GRK7: variants seen among roughly 807,000 people sequenced by gnomAD.
GRK7 encodes the protein rhodopsin kinase GRK7.
A neutral mutation model predicts 34.1 loss-of-function variants in GRK7; 24 were observed. The observed-to-expected ratio is 0.70, with a 90% CI of 0.51 to 0.99. The LOEUF is 0.99. Among genes scored for constraint, GRK7 ranks in the 50% least tolerant of loss-of-function variants. The probability of loss-of-function intolerance (pLI) is 0.00; values close to 1 mark genes in which losing one functional copy is unlikely to be tolerated. For synonymous variants in GRK7, 256 were observed against 279.4 expected, an observed-to-expected ratio of 0.92 and a Z score of 0.84; for missense variants, 644 against 707.3, an observed-to-expected ratio of 0.91 and a Z score of 1.02.
chr3:141,771,273 G>T (rs970784258), intron 1 of GRK7, among the ~76,000 whole-genome samples: 1 of 152,126 alleles, frequency 6.6e-6, no homozygotes, highest in African/African-American at 2.4e-5. Context: ...CCATAAAAAA[G>T]AATGGAATCA....
chr3:141,811,751 A>G (rs953963298), intron 5 of GRK7, among the ~76,000 whole-genome samples: 3 of 152,216 alleles, frequency 2.0e-5, no homozygotes, highest in Non-Finnish European at 4.4e-5. Flanking sequence ...ATGCCTCGAC[A>G]GCATGTTACA....
intron 1 of GRK7, among the ~76,000 whole-genome samples, chr3:141,770,442 A>G (rs1395832926): frequency 6.6e-6 from 1 of 152,210 alleles, no homozygotes; most frequent in Non-Finnish European, 1.5e-5. Context: ...GTGAGCCACT[A>G]CACCTGGCCA....
rs77312041 is a variant in GRK7 at position 141,784,089 on chromosome 3, G to A, written c.1050+3278G>A. 2.6e-3 allele frequency among the ~76,000 whole-genome samples: 389 copies of A among 152,218 alleles called. 1 individual carries two copies. The highest frequency in any genetic ancestry group is 8.2e-3 in the African/African-American group (340 of 41,526). On this transcript the variant is annotated intron_variant, in intron 4 of 5. Transcript: ENST00000682958. ...TATCTCGACCTTGCTGGAGGCTTAG[G>A]GGACACATAGAGCTTTGGCTCACTC... is the stretch of plus-strand genomic sequence containing the variant.
chr3:141,811,493 C>T (rs1053146513), intron 5 of GRK7, among the ~76,000 whole-genome samples: 3 of 152,134 alleles, frequency 2.0e-5, no homozygotes, highest in African/African-American at 7.2e-5. Flanking sequence ...CTTCCTCAAG[C>T]AAAGCCTTTT....
chr3:141,799,891 A>C, intron 4 of GRK7, among the ~76,000 whole-genome samples: 1 of 152,152 alleles, frequency 6.6e-6, no homozygotes, highest in East Asian at 1.9e-4. Flanking sequence ...CTTTCACCCT[A>C]CACCTTCTAC....
At position 141,794,556 on chromosome 3, in the gene GRK7, G is replaced by C. The variant is rs567700523; in HGVS notation, c.1051-13089G>C. Among the ~76,000 whole-genome samples the C allele has an allele frequency of 3.9e-5, 6 of 152,356 alleles. No homozygotes were observed. The East Asian group carries it at 1.2e-3, about 29-fold the overall frequency. ...CATTATGGGCCATGTTAAGGACTTTGGGTGATCGTCTCTGATCACTGGAAA... is the reference window on the plus strand; with the variant it reads ...CATTATGGGCCATGTTAAGGACTTTCGGTGATCGTCTCTGATCACTGGAAA... On this transcript the variant is annotated intron_variant, in intron 4 of 5. Coordinates refer to ENST00000682958, the MANE Select transcript of GRK7 (RefSeq NM_139209.3).
At chr3:141,816,663 C>A in intron 5 of GRK7, 51 bp from the exon 6 acceptor site, 2 of 1,045,910 alleles carry the variant, frequency 1.9e-6, no homozygotes, top group Non-Finnish European at 2.8e-6. Flanking sequence ...GAACATGTCC[C>A]ATTTTGTTTT....
chr3:141,762,394 C>G (rs985547108), upstream of GRK7, among the ~76,000 whole-genome samples: 7 of 144,810 alleles, frequency 4.8e-5, no homozygotes, highest in South Asian at 2.4e-4. Flanking sequence ...TCAGTGTGCC[C>G]CTGCTGGGGG....
At position 141,769,383 on chromosome 3, in the gene GRK7, T is replaced by C. The variant is rs2084605846; in HGVS notation, c.-215+3645T>C. 2.6e-5 allele frequency among the ~76,000 whole-genome samples: 4 copies of C among 152,352 alleles called. 1 individual carries two copies. In the South Asian group the frequency reaches 8.3e-4, roughly 32 times the overall value. On this transcript the variant is annotated intron_variant, in intron 1 of 5. Coordinates refer to ENST00000682958, the MANE Select transcript of GRK7 (RefSeq NM_139209.3). ...CCAGCATCATGACTCACTAGGCTGC[T>C]GCAGTAACCTCTCATCTGGGCTTTC... is the stretch of plus-strand genomic sequence containing the variant.
chr3:141,768,034 A>T (rs1432196115), intron 1 of GRK7, among the ~76,000 whole-genome samples: 4 of 152,190 alleles, frequency 2.6e-5, no homozygotes, highest in Admixed American at 6.5e-5. Flanking sequence ...ACATTTCCTG[A>T]AAGTTAGAAA....
chr3:141,756,673 T>A, the GRK7 span, among the ~76,000 whole-genome samples: 828 of 152,200 alleles, frequency 5.4e-3, 2 homozygotes, highest in African/African-American at 0.017. Context: ...GAATTTTTTT[T>A]AAAAAAGAAA....
At position 141,790,055 on chromosome 3, in the gene GRK7, G is replaced by A. The variant is rs540521148; in HGVS notation, c.1050+9244G>A. ...CTCACTCTGTAGCCCAGGCAGGAGTGCAGTGGCACGATCTCAGCTCACTGC... is the reference window on the plus strand; with the variant it reads ...CTCACTCTGTAGCCCAGGCAGGAGTACAGTGGCACGATCTCAGCTCACTGC... On this transcript the variant is annotated intron_variant, in intron 4 of 5. Coordinates refer to ENST00000682958, the MANE Select transcript of GRK7 (RefSeq NM_139209.3). 8.5e-5 allele frequency among the ~76,000 whole-genome samples: 13 copies of A among 152,316 alleles called. No homozygotes were observed. In the South Asian group the frequency reaches 2.5e-3, roughly 29 times the overall value.
chr3:141,794,351 G>A (rs1315831062), intron 4 of GRK7, among the ~76,000 whole-genome samples: 1 of 152,246 alleles, frequency 6.6e-6, no homozygotes, highest in Non-Finnish European at 1.5e-5. Context: ...CTGAAGAGGG[G>A]ATTGGAGCCA....
At position 141,778,193 on chromosome 3, in the gene GRK7, C is replaced by G; in HGVS notation, c.-92C>G. 2.7e-6 allele frequency: 4 copies of G among 1,469,256 alleles called. No homozygotes were observed. The highest frequency in any genetic ancestry group is 3.7e-6 in the Non-Finnish European group (4 of 1,093,318). The allele number at this position is 1,469,256 out of a possible 1,614,324, so 91.0% of individuals were successfully genotyped here. On this transcript the variant is annotated 5_prime_UTR_variant, in exon 3 of 6. In the 5' UTR this introduces an upstream ATG that the reference lacks. Coordinates refer to ENST00000682958, the MANE Select transcript of GRK7 (RefSeq NM_139209.3). This position sits in a 1 kb window ranked among gnomAD's most constrained non-coding sequence, Gnocchi z 4.1. Reference sequence around the variant, plus strand: ...ACAGGCCACAGGACTCACTGTAAATCCCTTGGACGTTGTCTCACCCGGGAA... The same window carrying G: ...ACAGGCCACAGGACTCACTGTAAATGCCTTGGACGTTGTCTCACCCGGGAA...
intron 5 of GRK7, among the ~76,000 whole-genome samples, chr3:141,813,224 C>T (rs774923889): frequency 3.2e-4 from 49 of 152,286 alleles, no homozygotes; most frequent in Admixed American, 1.4e-3. Flanking sequence ...CTCCCAGGTT[C>T]AAGAAATTCT....
the GRK7 span, among the ~76,000 whole-genome samples, chr3:141,756,336 G>A: frequency 1.5e-5 from 2 of 130,790 alleles, 1 homozygote; most frequent in South Asian, 5.4e-4. Flanking sequence ...AGGTGGGGGG[G>A]TGAAAACAAC....
At chr3:141,804,473 G>A (rs540483842) in intron 4 of GRK7, among the ~76,000 whole-genome samples, 1 of 152,156 alleles carries the variant, frequency 6.6e-6, no homozygotes, top group East Asian at 1.9e-4. Context: ...TACCTGGATA[G>A]CCTTCTAGGT....
rs377371842 is a variant in GRK7, at chr3:141,780,616, G to A, written c.855G>A (p.Thr285=). 95 of 1,614,084 alleles carry A rather than the reference G, an allele frequency of 5.9e-5. No individual in the cohort carries two copies. Among genetic ancestry groups the A allele is most frequent in the Admixed American group, 3.5e-4 (21 of 59,998 alleles). ...DLKFHIYNVG[T]RGLDMSRVIF... ...AGTTCCACATCTACAACGTGGGCAC[G>A]CGTGGCCTGGACATGAGCCGGGTGA... is the stretch of plus-strand genomic sequence containing the variant. The change falls in exon 4 of 6, where the codon ACG becomes ACA. Residue 285 remains threonine, a synonymous_variant. Coordinates refer to ENST00000682958, the MANE Select transcript of GRK7 (RefSeq NM_139209.3).
Position 141,780,514 on chromosome 3 carries a change from T to C in GRK7, c.753T>C (p.Ile251=), listed in dbSNP as rs2084666691. Residue 251 remains isoleucine, a synonymous_variant, in exon 4 of 6, where the codon ATT becomes ATC. Coordinates refer to ENST00000682958, the MANE Select transcript of GRK7 (RefSeq NM_139209.3). ...EILEKVSSPF[I]VSLAYAFESK... ...TGGAGAAGGTCAGCAGCCCTTTCATTGTCTCTCTGGCCTATGCCTTTGAGA... is the reference window on the plus strand; with the variant it reads ...TGGAGAAGGTCAGCAGCCCTTTCATCGTCTCTCTGGCCTATGCCTTTGAGA... 1 of 1,614,224 alleles carries C rather than the reference T, an allele frequency of 6.2e-7. No individual in the cohort carries two copies. The highest frequency in any genetic ancestry group is 8.5e-7 in the Non-Finnish European group (1 of 1,180,046).
Sources: allele counts gnomAD v4.1 joint callset (sites outside exome capture counted in the v4.1 genomes callset), GRCh38; gene constraint gnomAD v4.1.1; non-coding constraint Gnocchi (gnomAD v3.1); transcripts MANE v1.5; gene names NCBI Gene and HGNC (gene_info 2026-07-23, HGNC 2026-07-21).